TMEM44: variants seen among roughly 807,000 people sequenced by gnomAD.
TMEM44 encodes the protein transmembrane protein 44.
In TMEM44, 43 loss-of-function variants were observed where a neutral mutation model predicts 47.8. The observed-to-expected ratio is 0.90, with a 90% CI of 0.70 to 1.16. The LOEUF is 1.16. Among genes scored for constraint, TMEM44 ranks in the 50% most tolerant of loss-of-function variants. TMEM44 has a pLI of 0.00. For missense variants in TMEM44, 568 were observed against 555.2 expected (o/e 1.02, Z -0.23); for synonymous variants, 277 against 238.8 (o/e 1.16, Z -1.48).
intron 2 of TMEM44, among the ~76,000 whole-genome samples, chr3:194,627,267 C>T (rs1362068195): frequency 6.6e-6 from 1 of 152,208 alleles, no homozygotes; most frequent in Admixed American, 6.5e-5. Flanking sequence ...TTTGAGACAA[C>T]ACTGCTTGAA....
chr3:194,594,288 T>C (rs2458026), intron 9 of TMEM44, among the ~76,000 whole-genome samples: 140,125 of 151,798 alleles, frequency 0.92, 64,738 homozygotes, highest in East Asian at 0.98. Context: ...CTCAGTCTCC[T>C]GAGTAGCTGG....
At chr3:194,599,914 C>T (rs1317505707) in intron 9 of TMEM44, among the ~76,000 whole-genome samples, 3 of 151,648 alleles carry the variant, frequency 2.0e-5, no homozygotes, top group African/African-American at 7.3e-5. Flanking sequence ...CATGCGCCAC[C>T]ATACCCGGCT....
chr3:194,617,741 A>C, intron 5 of TMEM44: 1 of 703,972 alleles, frequency 1.4e-6, no homozygotes, highest in South Asian at 1.5e-5. Flanking sequence ...GCCAGATCTC[A>C]TGTTGAGTCG....
intron 8 of TMEM44, among the ~76,000 whole-genome samples, chr3:194,609,098 GTCAT>G (rs1231049007): frequency 6.6e-6 from 1 of 152,162 alleles, no homozygotes; most frequent in African/African-American, 2.4e-5. Context: ...AAGACAGTGC[GTCAT>G]TTACTAAGAT....
chr3:194,593,122 C>A, intron 9 of TMEM44: 1 of 1,599,664 alleles, frequency 6.3e-7, no homozygotes, highest in Non-Finnish European at 8.6e-7. Flanking sequence ...GATTTTGCCA[C>A]CATCCCACAG....
chr3:194,614,494 T>A (rs1715672149), intron 7 of TMEM44, among the ~76,000 whole-genome samples: 2 of 152,214 alleles, frequency 1.3e-5, no homozygotes, highest in Admixed American at 1.3e-4. Context: ...AACCTCTGCC[T>A]CCAGGATCAA....
At chr3:194,616,548 C>T (rs1417291535) in intron 6 of TMEM44, 4 of 456,544 alleles carry the variant, frequency 8.8e-6, no homozygotes, top group African/African-American at 8.0e-5. Context: ...CATCAAGGGA[C>T]ACCAGGAGCC....
intron 8 of TMEM44, among the ~76,000 whole-genome samples, chr3:194,607,559 G>A (rs942365320): frequency 6.6e-6 from 1 of 152,220 alleles, no homozygotes; most frequent in African/African-American, 2.4e-5. Context: ...GTAGAGACAG[G>A]TCTGAATCCG....
At chr3:194,616,505 G>C (rs371275352) in intron 6 of TMEM44, 2 of 447,856 alleles carry the variant, frequency 4.5e-6, no homozygotes, top group Non-Finnish European at 9.0e-6. Context: ...GCCACATGAA[G>C]GGCAAGGCAG....
chr3:194,589,617 A>ACC (rs1712354832), intron 9 of TMEM44: 2 of 152,096 alleles, frequency 1.3e-5, no homozygotes, highest in Non-Finnish European at 2.9e-5. Context: ...ATAGTTCATC[A>ACC]CCGACTCAGG....
intron 6 of TMEM44, 45 bp downstream of exon 6, chr3:194,617,051 GCCT>G: frequency 8.3e-6 from 12 of 1,443,218 alleles, no homozygotes; most frequent in Non-Finnish European, 1.1e-5. Context: ...CGAGACACAG[GCCT>G]CCTCTGGCTG....
intron 5 of TMEM44, 21 bp from the exon 6 acceptor site, chr3:194,617,290 GCTGGGC>G: frequency 1.4e-6 from 2 of 1,472,552 alleles, no homozygotes; most frequent in Non-Finnish European, 1.8e-6. Context: ...AGAGGGAGGG[GCTGGGC>G]GGGAGAAGCA....
At chr3:194,610,817 C>A in intron 8 of TMEM44, 99 bp downstream of exon 8, 1 of 1,046,548 alleles carries the variant, frequency 9.6e-7, no homozygotes, top group Non-Finnish European at 1.4e-6. Flanking sequence ...CTTGTTTTCT[C>A]CTGCTCATCC....
At chr3:194,617,372 C>T in intron 5 of TMEM44, 103 bp from the exon 6 acceptor site, 1 of 1,265,046 alleles carries the variant, frequency 7.9e-7, no homozygotes, top group Non-Finnish European at 1.1e-6. Context: ...CTGCCTGCAG[C>T]CAGTCCTCCA....
chr3:194,623,146 C>T (rs769663105), intron 5 of TMEM44, 78 bp downstream of exon 5: 2 of 1,416,772 alleles, frequency 1.4e-6, no homozygotes, highest in African/African-American at 2.9e-5. Flanking sequence ...ACCTCCGCCC[C>T]ATGACCCTCT....
At chr3:194,599,388 C>A (rs1379697634) in intron 9 of TMEM44, among the ~76,000 whole-genome samples, 1 of 152,092 alleles carries the variant, frequency 6.6e-6, no homozygotes, top group South Asian at 2.1e-4. Context: ...TCAAAGACAC[C>A]GCCTCGCCCA....
intron 9 of TMEM44, among the ~76,000 whole-genome samples, chr3:194,592,718 C>T (rs1486575376): frequency 2.0e-5 from 3 of 151,924 alleles, no homozygotes; most frequent in Admixed American, 6.6e-5. Context: ...CAGGTTCAAG[C>T]GATTCACTTG....
At chr3:194,592,999 AG>A in intron 9 of TMEM44, 2 of 1,611,302 alleles carry the variant, frequency 1.2e-6, no homozygotes, top group Non-Finnish European at 1.7e-6. Context: ...ATCAAGCCAT[AG>A]GAAGTCCCTC....
At position 194,623,356 on chromosome 3, in the gene TMEM44, T is replaced by C. The variant is rs748349318; in HGVS notation, c.526-46A>G. On this transcript the variant is annotated intron_variant, in intron 4 of 9. Transcript: ENST00000347147. ...TCCACCATCAGTACTCTGCAGAGAC[T>C]GCCCATGTGCCCCAAGAAACAGCCA... 1.9e-6 allele frequency: 3 copies of C among 1,543,900 alleles called. No individual in the cohort carries two copies. In the African/African-American group the frequency reaches 4.1e-5, roughly 21 times the overall value.
Sources: allele counts gnomAD v4.1 joint callset (sites outside exome capture counted in the v4.1 genomes callset), GRCh38; gene constraint gnomAD v4.1.1; transcripts MANE v1.5; gene names NCBI Gene and HGNC (gene_info 2026-07-23, HGNC 2026-07-21).